ACSBG1: variants seen among roughly 807,000 people sequenced by gnomAD.
ACSBG1 encodes the protein acyl-CoA synthetase bubblegum family member 1, also known as long-chain-fatty-acid--CoA ligase ACSBG1.
ACSBG1 carries 39 observed loss-of-function variants against 80.2 expected under a neutral mutation model. The observed-to-expected ratio is 0.49, with a 90% CI of 0.38 to 0.64. The LOEUF is 0.64. Among genes scored for constraint, ACSBG1 ranks in the 30% least tolerant of loss-of-function variants. The probability of loss-of-function intolerance (pLI) is 0.00; values close to 1 mark genes in which losing one functional copy is unlikely to be tolerated. For missense variants in ACSBG1, 828 were observed against 966.4 expected (o/e 0.86, Z 1.90); for synonymous variants, 392 against 379.5 (o/e 1.03, Z -0.38).
chr15:78,227,123 C>T (rs1294920595), intron 1 of ACSBG1, among the ~76,000 whole-genome samples: 2 of 148,900 alleles, frequency 1.3e-5, no homozygotes, highest in Non-Finnish European at 3.0e-5. Flanking sequence ...GAAGGCTGAG[C>T]CACGAGAATT....
intron 8 of ACSBG1, among the ~76,000 whole-genome samples, chr15:78,181,540 C>G (rs1595882509): frequency 7.5e-6 from 1 of 133,924 alleles, no homozygotes; most frequent in Admixed American, 8.5e-5. Flanking sequence ...GTTGCCCAGG[C>G]TGGAGTACAG....
chr15:78,230,589 A>G (rs1471935180), intron 1 of ACSBG1, among the ~76,000 whole-genome samples: 1 of 152,196 alleles, frequency 6.6e-6, no homozygotes, highest in Non-Finnish European at 1.5e-5. Flanking sequence ...CTCATCTGGA[A>G]TTCCCATGTG....
Position 78,194,639 on chromosome 15 carries a change from C to T in ACSBG1, c.320G>A (p.Arg107Gln), listed in dbSNP as rs1266411872. 22 of 1,614,130 alleles carry T rather than the reference C, an allele frequency of 1.4e-5. No homozygotes were observed. Among genetic ancestry groups the T allele is most frequent in the African/African-American group, 1.2e-4 (9 of 74,958 alleles). ...CTTATCCAGGGCCTCGTAGAACATCCGATGCACAGTGTAGGGAAGCTGTGG... is the reference window on the plus strand; with the variant it reads ...CTTATCCAGGGCCTCGTAGAACATCTGATGCACAGTGTAGGGAAGCTGTGG... The part of the protein sequence containing the change: ...SCPQLPYTVH[R>Q]MFYEALDKYG... Residue 107 changes from arginine (R) to glutamine (Q), a missense_variant, in exon 3 of 14, where the codon CGG becomes CAG. Transcript: ENST00000258873.
chr15:78,194,401 C>A (rs1406452090), intron 3 of ACSBG1, 105 bp downstream of exon 3: 27 of 1,070,302 alleles, frequency 2.5e-5, no homozygotes, highest in Non-Finnish European at 3.3e-5. Flanking sequence ...GTTATTGTTC[C>A]TAAGAGCCTT....
At chr15:78,200,311 G>T (rs1353762630) in intron 2 of ACSBG1, among the ~76,000 whole-genome samples, 1 of 151,986 alleles carries the variant, frequency 6.6e-6, no homozygotes, top group African/African-American at 2.4e-5. Flanking sequence ...AGGACCCCTT[G>T]TCACCCTTGG....
chr15:78,179,828 C>G, intron 9 of ACSBG1, 48 bp from the exon 10 acceptor site: 1 of 1,297,594 alleles, frequency 7.7e-7, no homozygotes, highest in Non-Finnish European at 1.1e-6. Context: ...CACACACACA[C>G]ACACACACAC....
In ACSBG1 at chr15:78,181,714, TG is replaced by T. The variant is rs991577782; in HGVS notation, c.1071+254del. Reference sequence around the variant, plus strand: ...TTCACCGTGTTAGCCAGGATGGTCTTGATCTCCTGACCTCGTGATGTGCCTG... The same window carrying T: ...TTCACCGTGTTAGCCAGGATGGTCTTATCTCCTGACCTCGTGATGTGCCTG... On this transcript the variant is annotated intron_variant, in intron 8 of 13. Transcript: ENST00000258873. 1.1e-4 allele frequency among the ~76,000 whole-genome samples: 16 copies of T among 152,226 alleles called. No homozygotes were observed. In the South Asian group the frequency reaches 1.2e-3, roughly 12 times the overall value.
In ACSBG1 at chr15:78,193,809, C is replaced by T. The variant is rs2075081923; in HGVS notation, c.542+123G>A. On this transcript the variant is annotated intron_variant, in intron 4 of 13. Coordinates refer to ENST00000258873, the MANE Select transcript of ACSBG1 (RefSeq NM_015162.5). ...CGCCAGATGCAGGTCCACCAGAAGG[C>T]CCCAGGGAGGAGGCAGGATGGTGGG... is the stretch of plus-strand genomic sequence containing the variant. 2.1e-6 allele frequency: 3 copies of T among 1,442,834 alleles called. No homozygotes were observed. In the South Asian group the frequency reaches 3.9e-5, roughly 19 times the overall value. The allele number at this position is 1,442,834 out of a possible 1,614,324, so 89.4% of individuals were successfully genotyped here.
At chr15:78,214,466 G>A (rs1353733883) in intron 1 of ACSBG1, among the ~76,000 whole-genome samples, 2 of 152,074 alleles carry the variant, frequency 1.3e-5, no homozygotes, top group East Asian at 3.9e-4. Flanking sequence ...TTGAGACAAA[G>A]TCTCACTCTG....
chr15:78,205,776 T>C (rs1264156530), intron 2 of ACSBG1, among the ~76,000 whole-genome samples: 1 of 152,202 alleles, frequency 6.6e-6, no homozygotes, highest in Non-Finnish European at 1.5e-5. Context: ...CCAGCAGTCT[T>C]TGATAGGGAT....
intron 12 of ACSBG1, among the ~76,000 whole-genome samples, chr15:78,174,044 G>A (rs949080183): frequency 6.6e-6 from 1 of 152,170 alleles, no homozygotes; most frequent in Non-Finnish European, 1.5e-5. Context: ...AGAAGAGCTC[G>A]GTCAGTGACG....
In ACSBG1 at chr15:78,169,077, C is replaced by T. The variant is rs543574237; in HGVS notation, c.*2367G>A. 74 of 863,236 alleles carry T rather than the reference C, an allele frequency of 8.6e-5. 1 individual carries two copies. The highest frequency in any genetic ancestry group is 3.2e-4 in the South Asian group (19 of 59,572). 53.5% of individuals were successfully genotyped at this position (863,236 alleles called of 1,614,324 possible). On this transcript the variant is annotated 3_prime_UTR_variant, in exon 14 of 14. Coordinates refer to ENST00000258873, the MANE Select transcript of ACSBG1 (RefSeq NM_015162.5). ...CATGAACCTCTGTTTAGAATACCTA[C>T]GTATGTATGCATTGGTTTGCTTGTT...
chr15:78,190,024 A>G (rs1355404430), intron 5 of ACSBG1, among the ~76,000 whole-genome samples: 1 of 152,176 alleles, frequency 6.6e-6, no homozygotes. Context: ...AAAAACTTGG[A>G]TCTACATAAA....
At chr15:78,226,770 T>C (rs536799840) in intron 1 of ACSBG1, among the ~76,000 whole-genome samples, 2 of 74,022 alleles carry the variant, frequency 2.7e-5, no homozygotes, top group East Asian at 5.7e-4. Context: ...TAGGAAATAG[T>C]AGAACACATA....
intron 5 of ACSBG1, among the ~76,000 whole-genome samples, chr15:78,192,074 C>T (rs568130848): frequency 2.6e-5 from 4 of 152,130 alleles, no homozygotes; most frequent in Non-Finnish European, 4.4e-5. Context: ...AGAAGGACGA[C>T]GACGTGAAGA....
chr15:78,223,288 G>A (rs1331306263), intron 1 of ACSBG1, among the ~76,000 whole-genome samples: 10 of 149,844 alleles, frequency 6.7e-5, no homozygotes, highest in Non-Finnish European at 1.5e-4. Context: ...GGGGGGTGGG[G>A]TGGGGGGAGA....
intron 4 of ACSBG1, 59 bp from the exon 5 acceptor site, chr15:78,193,685 C>A: frequency 6.4e-7 from 1 of 1,563,106 alleles, no homozygotes; most frequent in East Asian, 2.3e-5. Flanking sequence ...ACCCCCTTCC[C>A]CCACCCCCAC....
chr15:78,179,840 C>CACAA, intron 9 of ACSBG1, 60 bp from the exon 10 acceptor site: 1 of 1,202,634 alleles, frequency 8.3e-7, no homozygotes, highest in East Asian at 2.4e-5. Context: ...CACACACACA[C>CACAA]ACATACACAC....
intron 11 of ACSBG1, among the ~76,000 whole-genome samples, chr15:78,176,606 G>A (rs1192749797): frequency 3.9e-5 from 6 of 152,064 alleles, no homozygotes; most frequent in African/African-American, 1.4e-4. Flanking sequence ...GTAAATATAA[G>A]GAAAGATGTG....
Sources: allele counts gnomAD v4.1 joint callset (sites outside exome capture counted in the v4.1 genomes callset), GRCh38; gene constraint gnomAD v4.1.1; transcripts MANE v1.5; gene names NCBI Gene and HGNC (gene_info 2026-07-23, HGNC 2026-07-21).